NALF1: variants seen among roughly 807,000 people sequenced by gnomAD.
The protein encoded by NALF1 is family with sequence similarity 155 member A.
In NALF1, 3 loss-of-function variants were observed where a neutral mutation model predicts 48.4. The observed-to-expected ratio is 0.06, with a 90% CI of 0.03 to 0.16. NALF1 has a LOEUF of 0.16. Ranked by LOEUF, NALF1 falls within the 10% of genes least tolerant of loss-of-function variation. NALF1 has a pLI of 1.00. For synonymous variants in NALF1, 262 were observed against 245.7 expected, an observed-to-expected ratio of 1.07 and a Z score of -0.62; for missense variants, 526 against 571.5, an observed-to-expected ratio of 0.92 and a Z score of 0.81.
intron 1 of NALF1, among the ~76,000 whole-genome samples, chr13:107,770,160 G>A (rs368571709): frequency 6.6e-6 from 1 of 152,090 alleles, no homozygotes; most frequent in Non-Finnish European, 1.5e-5. Flanking sequence ...TGATCCACCC[G>A]CCTCGGCCTC....
At chr13:107,865,496 A>C (rs1268685023) in intron 1 of NALF1, among the ~76,000 whole-genome samples, 186 bp downstream of exon 1, 3 of 152,190 alleles carry the variant, frequency 2.0e-5, no homozygotes, top group Non-Finnish European at 2.9e-5. Flanking sequence ...AGAAGGCATC[A>C]GTCAGTCCAC....
chr13:107,479,953 T>C lies in NALF1; in HGVS notation c.916-269198A>G, dbSNP rs544682241. Among the ~76,000 whole-genome samples, 160 of 152,228 alleles carry C rather than the reference T, an allele frequency of 1.1e-3. 2 individuals carry two copies. The highest frequency in any genetic ancestry group is 3.6e-3 in the African/African-American group (149 of 41,552). On this transcript the variant is annotated intron_variant, in intron 1 of 2. Transcript: ENST00000375915. ...AATTTTTACCTTCATGAAAAGTGGT[T>C]GCAATACCAAGAAGGAGATTGACAC...
intron 1 of NALF1, among the ~76,000 whole-genome samples, chr13:107,285,687 GT>G (rs1881479411): frequency 6.6e-6 from 1 of 151,960 alleles, no homozygotes; most frequent in Non-Finnish European, 1.5e-5. Flanking sequence ...GAGGATGCAT[GT>G]AGTATACAGT....
chr13:107,708,327 G>C (rs930450120), intron 1 of NALF1, among the ~76,000 whole-genome samples: 10 of 151,982 alleles, frequency 6.6e-5, no homozygotes, highest in Admixed American at 1.3e-4. Context: ...CTCAGTTACC[G>C]ATGTCTTACC....
Position 107,407,675 on chromosome 13 carries a change from T to C in NALF1, c.916-196920A>G, listed in dbSNP as rs189435080. Reference sequence around the variant, plus strand: ...ACTGTTGGTGTAAATGGAACCTACCTGGAGAATAGTTTGGAAGCTCTTTAA... The same window carrying C: ...ACTGTTGGTGTAAATGGAACCTACCCGGAGAATAGTTTGGAAGCTCTTTAA... On this transcript the variant is annotated intron_variant, in intron 1 of 2. Coordinates refer to ENST00000375915, the MANE Select transcript of NALF1 (RefSeq NM_001080396.3). Among the ~76,000 whole-genome samples the C allele has an allele frequency of 5.3e-5, 8 of 152,048 alleles. No individual in the cohort carries two copies. The East Asian group carries it at 1.4e-3, about 26-fold the overall frequency.
At chr13:107,241,093 C>T (rs935263214) in intron 1 of NALF1, among the ~76,000 whole-genome samples, 1 of 143,316 alleles carries the variant, frequency 7.0e-6, no homozygotes, top group African/African-American at 2.6e-5. Flanking sequence ...ACTCAGGAGG[C>T]TGAGGCAGGA....
intron 1 of NALF1, among the ~76,000 whole-genome samples, chr13:107,434,791 AT>A (rs1220351406): frequency 6.6e-6 from 1 of 152,220 alleles, no homozygotes; most frequent in Non-Finnish European, 1.5e-5. Context: ...ATCTCTAAGA[AT>A]CCCTGTAAGA....
intron 1 of NALF1, among the ~76,000 whole-genome samples, chr13:107,621,650 A>G (rs1879519858): frequency 6.6e-6 from 1 of 152,134 alleles, no homozygotes; most frequent in Admixed American, 6.5e-5. Context: ...GGGACAATGC[A>G]CATTTCTCCC....
intron 1 of NALF1, among the ~76,000 whole-genome samples, chr13:107,311,098 AT>A (rs957410845): frequency 2.2e-4 from 33 of 152,122 alleles, no homozygotes; most frequent in East Asian, 7.7e-4. Context: ...GTTATAACAC[AT>A]TTTTTTTCCC....
At chr13:107,194,048 C>CTATT (rs1879340823) in intron 2 of NALF1, among the ~76,000 whole-genome samples, 1 of 112,540 alleles carries the variant, frequency 8.9e-6, no homozygotes, top group Non-Finnish European at 2.0e-5. Flanking sequence ...ATCTATCTAT[C>CTATT]TATCTATCTA....
intron 1 of NALF1, among the ~76,000 whole-genome samples, chr13:107,644,846 C>A (rs970700529): frequency 6.6e-6 from 1 of 151,620 alleles, no homozygotes; most frequent in Non-Finnish European, 1.5e-5. Context: ...ATGATCCTTG[C>A]CTCATACTGC....
chr13:107,428,665 T>C (rs1594057713), intron 1 of NALF1, among the ~76,000 whole-genome samples: 1 of 152,158 alleles, frequency 6.6e-6, no homozygotes, highest in Non-Finnish European at 1.5e-5. Context: ...TCTAAGCAAG[T>C]ATTTTCAAAA....
chr13:107,496,585 C>T (rs1875344430), intron 1 of NALF1, among the ~76,000 whole-genome samples: 1 of 152,090 alleles, frequency 6.6e-6, no homozygotes, highest in Admixed American at 6.6e-5. Flanking sequence ...AAACGATGTG[C>T]TAAAGGCTAC....
At chr13:107,218,419 TAG>T (rs1879921154) in intron 1 of NALF1, among the ~76,000 whole-genome samples, 2 of 152,180 alleles carry the variant, frequency 1.3e-5, no homozygotes, top group African/African-American at 4.8e-5. Flanking sequence ...CACTGGAAAC[TAG>T]TAACATGGCC....
At chr13:107,685,140 C>G (rs958641244) in intron 1 of NALF1, among the ~76,000 whole-genome samples, 4 of 152,052 alleles carry the variant, frequency 2.6e-5, no homozygotes, top group African/African-American at 9.7e-5. Flanking sequence ...TGGTGAAGCC[C>G]CATGTGTACT....
In NALF1 at chr13:107,671,133, T is replaced by C. The variant is rs1366572946; in HGVS notation, c.915+194549A>G. On this transcript the variant is annotated intron_variant, in intron 1 of 2. Coordinates refer to ENST00000375915, the MANE Select transcript of NALF1 (RefSeq NM_001080396.3). ...TTTCACTCACATTTTATAAAATTAT[T>C]ATTTAAAACAATGAATAATAAGTAC... Among the ~76,000 whole-genome samples, 4 of 152,130 alleles carry C rather than the reference T, an allele frequency of 2.6e-5. No individual in the cohort carries two copies. The East Asian group carries it at 7.7e-4, about 29-fold the overall frequency.
chr13:107,618,976 A>G (rs1250200464), intron 1 of NALF1, among the ~76,000 whole-genome samples: 1 of 152,242 alleles, frequency 6.6e-6, no homozygotes, highest in Non-Finnish European at 1.5e-5. Context: ...TCACTATCCA[A>G]TATCAGGAAC....
chr13:107,308,199 C>CTTTTTTTTT (rs772161115), intron 1 of NALF1, among the ~76,000 whole-genome samples: 1 of 98,168 alleles, frequency 1.0e-5, no homozygotes, highest in Non-Finnish European at 2.0e-5. Context: ...TGTGTCTATG[C>CTTTTTTTTT]TTTTTTTTTT....
chr13:107,283,362 T>C (rs1881426561), intron 1 of NALF1, among the ~76,000 whole-genome samples: 1 of 151,790 alleles, frequency 6.6e-6, no homozygotes, highest in Non-Finnish European at 1.5e-5. Flanking sequence ...CTCAGAGACA[T>C]CAAAAACAAG....
Sources: allele counts gnomAD v4.1 joint callset (sites outside exome capture counted in the v4.1 genomes callset), GRCh38; gene constraint gnomAD v4.1.1; transcripts MANE v1.5; gene names NCBI Gene and HGNC (gene_info 2026-07-23, HGNC 2026-07-21).